FKBP5: variants seen among roughly 807,000 people sequenced by gnomAD.
The protein encoded by FKBP5 is FKBP prolyl isomerase 5.
In FKBP5, 23 loss-of-function variants were observed where a neutral mutation model predicts 50.5. The observed-to-expected ratio is 0.46, with a 90% CI of 0.33 to 0.65. The LOEUF (loss-of-function observed/expected upper bound fraction) is 0.65. FKBP5 is among the 30% of genes least tolerant of loss of function. The pLI, the probability that FKBP5 is intolerant of heterozygous loss-of-function variation, is 0.02. For missense variants in FKBP5, 411 were observed against 553.1 expected, an observed-to-expected ratio of 0.74 and a Z score of 2.58; for synonymous variants, 176 against 190.6, an observed-to-expected ratio of 0.92 and a Z score of 0.63.
At chr6:35,608,353 G>C (rs1487625218) in intron 5 of FKBP5, among the ~76,000 whole-genome samples, 1 of 152,032 alleles carries the variant, frequency 6.6e-6, no homozygotes, top group East Asian at 1.9e-4. Context: ...TGTCCCCCCT[G>C]AATCTTAAAA....
chr6:35,599,993 C>T (rs149849740), intron 5 of FKBP5, among the ~76,000 whole-genome samples: 33 of 152,238 alleles, frequency 2.2e-4, no homozygotes, highest in Non-Finnish European at 3.2e-4. Context: ...ATGGAACAGC[C>T]TACTATAACC....
intron 8 of FKBP5, chr6:35,582,154 C>T (rs1581783258): frequency 1.0e-6 from 1 of 983,476 alleles, no homozygotes; most frequent in East Asian, 1.1e-4. Flanking sequence ...TCCCAAGTCA[C>T]TCACTTAGGA....
chr6:35,585,780 T>C (rs1762580434), intron 8 of FKBP5: 1 of 985,312 alleles, frequency 1.0e-6, no homozygotes, highest in African/African-American at 1.7e-5. Context: ...CCTTATAACA[T>C]ATTGCAATAC....
chr6:35,582,572 T>A, intron 8 of FKBP5: 1 of 794,974 alleles, frequency 1.3e-6, no homozygotes, highest in South Asian at 5.7e-5. Flanking sequence ...CCCCAGACAC[T>A]GATCCTGCTA....
intron 2 of FKBP5, among the ~76,000 whole-genome samples, chr6:35,641,103 T>C (rs574101966): frequency 1.4e-3 from 220 of 152,314 alleles, no homozygotes; most frequent in African/African-American, 4.8e-3. Context: ...CTCAGTCTCC[T>C]GAGTAGTAGA....
intron 3 of FKBP5, among the ~76,000 whole-genome samples, chr6:35,636,728 T>G (rs536280167): frequency 1.3e-5 from 2 of 152,316 alleles, no homozygotes; most frequent in Admixed American, 1.3e-4. Context: ...TTGATTTGTG[T>G]TAAGGAACCA....
At chr6:35,620,019 G>C in intron 4 of FKBP5, 113 bp downstream of exon 4, 1 of 1,306,978 alleles carries the variant, frequency 7.7e-7, no homozygotes, top group Non-Finnish European at 1.1e-6. Flanking sequence ...AAATAAGTAA[G>C]TTGGATCTGA....
In FKBP5 at chr6:35,573,698, C is replaced by T. The variant is rs1762126533; in HGVS notation, c.*2137G>A. 1 of 151,948 alleles carries T rather than the reference C, an allele frequency of 6.6e-6. No individual in the cohort carries two copies. The highest frequency in any genetic ancestry group is 2.1e-4 in the South Asian group (1 of 4,830). 9.4% of individuals were successfully genotyped at this position (151,948 alleles called of 1,614,324 possible). A position where few individuals can be genotyped will look rare whatever the true frequency, so the allele number is the denominator to read the frequency against. Reference sequence around the variant, plus strand: ...TTCCTCATATGCTGACTTGGCAATCCATATGCAGCCTAAAAGGTGGTTGAA... The same window carrying T: ...TTCCTCATATGCTGACTTGGCAATCTATATGCAGCCTAAAAGGTGGTTGAA... On this transcript the variant is annotated 3_prime_UTR_variant, in exon 11 of 11. Coordinates refer to ENST00000357266, the MANE Select transcript of FKBP5 (RefSeq NM_004117.4).
chr6:35,670,567 A>G (rs768589605), intron 1 of FKBP5, among the ~76,000 whole-genome samples: 1 of 151,824 alleles, frequency 6.6e-6, no homozygotes, highest in Non-Finnish European at 1.5e-5. Context: ...GACTCTACTA[A>G]AAATACAAAA....
At chr6:35,699,225 T>G (rs1766135960) in intron 2 of FKBP5, among the ~76,000 whole-genome samples, 2 of 152,196 alleles carry the variant, frequency 1.3e-5, no homozygotes, top group Admixed American at 1.3e-4. Context: ...AGGTTGGGTT[T>G]CTCACAGCGT....
chr6:35,608,211 G>A (rs558934157), intron 5 of FKBP5, among the ~76,000 whole-genome samples: 1 of 152,138 alleles, frequency 6.6e-6, no homozygotes, highest in East Asian at 1.9e-4. Context: ...AAGAGACACT[G>A]GGGACTCCAA....
intron 3 of FKBP5, among the ~76,000 whole-genome samples, chr6:35,623,572 C>CT (rs374683217): frequency 0.013 from 1,802 of 144,014 alleles, 22 homozygotes; most frequent in African/African-American, 0.034. Flanking sequence ...GGCTACATCA[C>CT]TTTTTTTTTT....
chr6:35,721,609 C>A (rs1031437807), intron 1 of FKBP5, among the ~76,000 whole-genome samples: 3 of 152,144 alleles, frequency 2.0e-5, no homozygotes, highest in Non-Finnish European at 2.9e-5. Flanking sequence ...CCATGCGCTA[C>A]CACGCCCGGC....
intron 5 of FKBP5, among the ~76,000 whole-genome samples, chr6:35,618,785 C>T (rs545722055): frequency 6.6e-6 from 1 of 152,254 alleles, no homozygotes; most frequent in South Asian, 2.1e-4. Flanking sequence ...ACCCCTGCCT[C>T]CCGGGTTCAA....
At chr6:35,629,745 C>T (rs974304138) in intron 3 of FKBP5, among the ~76,000 whole-genome samples, 1 of 152,198 alleles carries the variant, frequency 6.6e-6, no homozygotes, top group Admixed American at 6.5e-5. Context: ...CAGCTTTCCA[C>T]AGCCTAAATC....
At chr6:35,597,821 A>T (rs149106516) in intron 5 of FKBP5, among the ~76,000 whole-genome samples, 1 of 152,236 alleles carries the variant, frequency 6.6e-6, no homozygotes, top group Non-Finnish European at 1.5e-5. Flanking sequence ...TGCTTGGGCC[A>T]AAAAGCCAAC....
chr6:35,697,786 A>T (rs956672845), intron 2 of FKBP5, among the ~76,000 whole-genome samples: 2 of 152,212 alleles, frequency 1.3e-5, no homozygotes, highest in Non-Finnish European at 2.9e-5. Context: ...TTTTTGAGAA[A>T]TTATTATAAA....
At chr6:35,643,461 C>T (rs1764549200) in intron 1 of FKBP5, among the ~76,000 whole-genome samples, 1 of 152,170 alleles carries the variant, frequency 6.6e-6, no homozygotes, top group Admixed American at 6.5e-5. Flanking sequence ...CATTATTGGG[C>T]CTTCTGTAGG....
intron 1 of FKBP5, among the ~76,000 whole-genome samples, chr6:35,656,168 T>G (rs113603006): frequency 2.6e-5 from 4 of 152,216 alleles, no homozygotes; most frequent in African/African-American, 9.6e-5. Flanking sequence ...TGTACAAGAA[T>G]AGCATTTGAG....
Sources: gnomAD v4.1 joint callset for allele counts (sites outside exome capture counted in the v4.1 genomes callset) on GRCh38, gnomAD v4.1.1 for gene constraint, MANE v1.5 for transcripts, NCBI Gene and HGNC (gene_info 2026-07-23, HGNC 2026-07-21) for gene names.